PSMA1: variants seen among roughly 807,000 people sequenced by gnomAD.
The protein encoded by PSMA1 is proteasome subunit alpha type-1.
Under a neutral mutation model 38.4 loss-of-function variants are expected in PSMA1, and 3 were observed. The observed-to-expected ratio is 0.08, with a 90% CI of 0.04 to 0.20. The LOEUF (loss-of-function observed/expected upper bound fraction) is 0.20. PSMA1 is among the 10% of genes least tolerant of loss of function. PSMA1 has a pLI of 1.00. For missense variants in PSMA1, 227 were observed against 325.3 expected (o/e 0.70, Z 2.32); for synonymous variants, 101 against 107.1 (o/e 0.94, Z 0.35).
upstream of PSMA1, among the ~76,000 whole-genome samples, chr11:14,523,590 A>AT (rs35903786): frequency 0.043 from 5,915 of 136,206 alleles, 149 homozygotes; most frequent in Middle Eastern, 0.08. Context: ...CTCAGGATAC[A>AT]TTTTTTTTTT....
intron 2 of PSMA1, among the ~76,000 whole-genome samples, chr11:14,564,774 T>C (rs1852049662): frequency 6.6e-6 from 1 of 150,870 alleles, no homozygotes; most frequent in Non-Finnish European, 1.5e-5. Flanking sequence ...TTTCTTTTCT[T>C]TCTTTCTTTC....
At chr11:14,579,486 C>CTTTTTTTTTTTTT (rs756980966) in intron 2 of PSMA1, among the ~76,000 whole-genome samples, 1 of 112,524 alleles carries the variant, frequency 8.9e-6, no homozygotes, top group Non-Finnish European at 1.8e-5. Context: ...GCTGCAAAGA[C>CTTTTTTTTTTTTT]TTTTTTTTTT....
intron 2 of PSMA1, among the ~76,000 whole-genome samples, chr11:14,543,549 A>G (rs1589988150): frequency 1.3e-5 from 2 of 152,090 alleles, no homozygotes; most frequent in East Asian, 1.9e-4. Flanking sequence ...TTTTTAAACA[A>G]TAAGGAGGAT....
chr11:14,524,680 G>C (rs574453063), upstream of PSMA1, among the ~76,000 whole-genome samples: 1 of 152,224 alleles, frequency 6.6e-6, no homozygotes, highest in East Asian at 1.9e-4. Context: ...CTCTTCACAC[G>C]GACACGTAAG....
chr11:14,509,811 C>T (rs1293055421), intron 8 of PSMA1, among the ~76,000 whole-genome samples: 2 of 151,260 alleles, frequency 1.3e-5, no homozygotes, highest in African/African-American at 4.9e-5. Context: ...GCAAGCTCCA[C>T]CTCCCAGGTT....
intron 1 of PSMA1, among the ~76,000 whole-genome samples, chr11:14,638,577 ATATATATATTTTTTTTTTTTTTTTTTT>A (rs1853155200): frequency 1.0e-4 from 1 of 9,998 alleles, no homozygotes; most frequent in Non-Finnish European, 1.8e-4. Context: ...ATATATATAT[ATATATATATTTTTTTTTTTTTTTTTTT>A]TTTTTTTTTT....
chr11:14,610,885 G>A, intron 2 of PSMA1: 1 of 1,454,104 alleles, frequency 6.9e-7, no homozygotes, highest in Middle Eastern at 1.8e-4. Flanking sequence ...GCTCCTCTAG[G>A]TTTTGTTTTG....
chr11:14,609,829 A>G (rs1852688043), intron 2 of PSMA1, among the ~76,000 whole-genome samples: 1 of 152,208 alleles, frequency 6.6e-6, no homozygotes, highest in South Asian at 2.1e-4. Context: ...CAGGGTACAG[A>G]ACAAGGTACT....
chr11:14,625,508 C>G (rs1278723415), intron 1 of PSMA1, among the ~76,000 whole-genome samples: 2 of 152,138 alleles, frequency 1.3e-5, no homozygotes, highest in African/African-American at 4.8e-5. Flanking sequence ...ACTACTGGAC[C>G]ATTACTCTTC....
intron 1 of PSMA1, among the ~76,000 whole-genome samples, chr11:14,622,374 T>C (rs1172356727): frequency 6.6e-6 from 1 of 152,228 alleles, no homozygotes; most frequent in Non-Finnish European, 1.5e-5. Context: ...CATAATATAC[T>C]CTGAAGAAAT....
intron 2 of PSMA1, among the ~76,000 whole-genome samples, chr11:14,531,532 A>G (rs1242197741): frequency 6.6e-6 from 1 of 152,110 alleles, no homozygotes; most frequent in Non-Finnish European, 1.5e-5. Context: ...GCGCGAACTT[A>G]GCTCACCGTA....
chr11:14,600,231 G>T lies in PSMA1; in HGVS notation c.21+10735C>A, dbSNP rs369792210. 3.3e-5 allele frequency among the ~76,000 whole-genome samples: 5 copies of T among 152,218 alleles called. No individual in the cohort carries two copies. In the East Asian group the frequency reaches 7.7e-4, roughly 23 times the overall value. On this transcript the variant is annotated intron_variant, in intron 2 of 10. Transcript: ENST00000418988. The stretch of plus-strand genomic sequence containing the variant: ...ATCCACTTGAGGAGGCAGTCTGTCC[G>T]TTCTCAGAGCTCAAACGCTATGCTG...
At chr11:14,513,516 T>C (rs1356192507) in intron 7 of PSMA1, 54 bp downstream of exon 7, 4 of 1,347,274 alleles carry the variant, frequency 3.0e-6, no homozygotes, top group East Asian at 5.5e-5. Flanking sequence ...TTATTTACTA[T>C]ATAGACTGGA....
At chr11:14,528,679 C>T (rs922247740) in intron 2 of PSMA1, among the ~76,000 whole-genome samples, 73 of 152,290 alleles carry the variant, frequency 4.8e-4, no homozygotes, top group African/African-American at 1.7e-3. Flanking sequence ...GTGACCTGCA[C>T]GTATACATCC....
chr11:14,562,503 A>G (rs768745715), intron 2 of PSMA1, among the ~76,000 whole-genome samples: 1 of 152,224 alleles, frequency 6.6e-6, no homozygotes, highest in Non-Finnish European at 1.5e-5. Context: ...CTTCAATTTC[A>G]ATGGAACTGC....
At chr11:14,519,231 G>A (rs1589980905) in intron 1 of PSMA1, 190 bp from the exon 2 acceptor site, 3 of 651,940 alleles carry the variant, frequency 4.6e-6, no homozygotes, top group East Asian at 3.1e-5. Context: ...CGTGGGAGAG[G>A]GAGAAGCAGA....
At chr11:14,572,041 T>A (rs556470625) in intron 2 of PSMA1, among the ~76,000 whole-genome samples, 1 of 152,270 alleles carries the variant, frequency 6.6e-6, no homozygotes, top group East Asian at 1.9e-4. Context: ...ACAAAGAGAC[T>A]TAGACTCCCA....
At chr11:14,602,243 C>A (rs1297399747) in intron 2 of PSMA1, among the ~76,000 whole-genome samples, 1 of 152,170 alleles carries the variant, frequency 6.6e-6, no homozygotes, top group Non-Finnish European at 1.5e-5. Context: ...TTTCCCAGAA[C>A]TAGACACCTG....
intron 2 of PSMA1, among the ~76,000 whole-genome samples, chr11:14,605,888 G>A (rs1423430530): frequency 6.6e-6 from 1 of 152,208 alleles, no homozygotes; most frequent in South Asian, 2.1e-4. Context: ...AGTTTAATTA[G>A]GTGTCACTTG....
Sources: allele counts gnomAD v4.1 joint callset (sites outside exome capture counted in the v4.1 genomes callset), GRCh38; gene constraint gnomAD v4.1.1; transcripts MANE v1.5; gene names NCBI Gene and HGNC (gene_info 2026-07-23, HGNC 2026-07-21).